Variants in CCBE1 observed in about 807,000 individuals in gnomAD.
The protein encoded by CCBE1 is collagen and calcium-binding EGF domain-containing protein 1.
Under a neutral mutation model 50.0 loss-of-function variants are expected in CCBE1, and 37 were observed. That is an observed-to-expected ratio of 0.74 (90% CI 0.57 to 0.97). The LOEUF is 0.97. Among genes scored for constraint, CCBE1 ranks in the 50% least tolerant of loss-of-function variants. The pLI is 0.00. For synonymous variants in CCBE1, 234 were observed against 203.7 expected, an observed-to-expected ratio of 1.15 and a Z score of -1.27; for missense variants, 538 against 523.8, an observed-to-expected ratio of 1.03 and a Z score of -0.26.
At chr18:59,682,343 G>A (rs576743872) in intron 2 of CCBE1, among the ~76,000 whole-genome samples, 11 of 152,280 alleles carry the variant, frequency 7.2e-5, no homozygotes, top group South Asian at 2.1e-4. Flanking sequence ...CCAGCCTGGC[G>A]ACAGAGCAAG....
intron 2 of CCBE1, among the ~76,000 whole-genome samples, chr18:59,567,150 C>T (rs1231408928): frequency 6.6e-6 from 1 of 151,902 alleles, no homozygotes; most frequent in African/African-American, 2.4e-5. Flanking sequence ...TGGAGATTAG[C>T]TCTGGTTGCC....
At chr18:59,463,596 C>T (rs1911594354) in intron 5 of CCBE1, among the ~76,000 whole-genome samples, 1 of 152,160 alleles carries the variant, frequency 6.6e-6, no homozygotes, top group Admixed American at 6.5e-5. Context: ...AATTCCATCC[C>T]GCTTCTCTGG....
At chr18:59,610,362 A>G (rs1389841309) in intron 2 of CCBE1, among the ~76,000 whole-genome samples, 3 of 152,180 alleles carry the variant, frequency 2.0e-5, no homozygotes, top group Non-Finnish European at 2.9e-5. Flanking sequence ...ATGGATTTTA[A>G]TATAAAGACC....
intron 5 of CCBE1, chr18:59,463,995 G>A (rs1598922184): frequency 6.6e-6 from 1 of 152,308 alleles, no homozygotes; most frequent in Admixed American, 6.5e-5. Context: ...CACATTCATA[G>A]ATCAGTGGCT....
Position 59,613,450 on chromosome 18 carries a change from A to C in CCBE1, c.212+83179T>G, listed in dbSNP as rs1406079653. Among the ~76,000 whole-genome samples the C allele has an allele frequency of 2.0e-5, 3 of 152,350 alleles. No individual in the cohort carries two copies. In the East Asian group the frequency reaches 5.8e-4, roughly 29 times the overall value. On this transcript the variant is annotated intron_variant, in intron 2 of 10. Coordinates refer to ENST00000439986, the MANE Select transcript of CCBE1 (RefSeq NM_133459.4). The stretch of plus-strand genomic sequence containing the variant: ...TGTTTTTCTCTGAAGAATATAGTTC[A>C]ACTTACAAATCTGATTCTATGTAAG...
chr18:59,460,818 C>T (rs950761137), intron 5 of CCBE1, among the ~76,000 whole-genome samples: 2 of 151,970 alleles, frequency 1.3e-5, no homozygotes, highest in Non-Finnish European at 2.9e-5. Context: ...GTCTGTAATC[C>T]CAGCTACTTG....
chr18:59,691,255 C>T (rs1274469608), intron 2 of CCBE1, among the ~76,000 whole-genome samples: 2 of 152,244 alleles, frequency 1.3e-5, no homozygotes, highest in Admixed American at 6.5e-5. Flanking sequence ...ACAGATGGCT[C>T]ATGCTCTCAG....
chr18:59,623,383 G>A (rs943074203), intron 2 of CCBE1, among the ~76,000 whole-genome samples: 2 of 152,166 alleles, frequency 1.3e-5, no homozygotes, highest in East Asian at 3.9e-4. Context: ...GGGAACTGAG[G>A]CATGGTGTGT....
chr18:59,553,315 C>A lies in CCBE1; in HGVS notation c.213-73077G>T, dbSNP rs1029092093. Among the ~76,000 whole-genome samples, 5 of 152,204 alleles carry A rather than the reference C, an allele frequency of 3.3e-5. No homozygotes were observed. In the South Asian group the frequency reaches 1.0e-3, roughly 31 times the overall value. ...TTCAAGCATGAGCACATGTAACAGA[C>A]TTCAAAAGCACAGGGGACATTCTTA... On this transcript the variant is annotated intron_variant, in intron 2 of 10. Transcript: ENST00000439986.
chr18:59,538,530 A>G (rs1915340428), intron 2 of CCBE1, among the ~76,000 whole-genome samples: 1 of 152,208 alleles, frequency 6.6e-6, no homozygotes, highest in Admixed American at 6.5e-5. Flanking sequence ...TTGTCAAAGG[A>G]CAGCTTAATG....
At position 59,469,528 on chromosome 18, in the gene CCBE1, C is replaced by G. The variant is rs762105160; in HGVS notation, c.345G>C (p.Pro115=). ...NFGRVLCTCY[P]GYRYDRERHR... is the part of the protein sequence containing the mutation. ...GTCTCTCCCGGTCATATCGGTATCC[C>G]GGATAACAAGTACACAGCACTCGGC... Residue 115 remains proline (P), a synonymous_variant, in exon 4 of 11, where the codon CCG becomes CCC. Coordinates refer to ENST00000439986, the MANE Select transcript of CCBE1 (RefSeq NM_133459.4). The G allele has an allele frequency of 6.2e-7, 1 of 1,614,050 alleles. No individual in the cohort carries two copies. The highest frequency in any genetic ancestry group is 8.5e-7 in the Non-Finnish European group (1 of 1,180,036).
At chr18:59,668,292 C>A (rs1055468357) in intron 2 of CCBE1, among the ~76,000 whole-genome samples, 12 of 151,966 alleles carry the variant, frequency 7.9e-5, no homozygotes, top group African/African-American at 2.7e-4. Context: ...GTGGTGGGTG[C>A]CTGTGATCCC....
intron 2 of CCBE1, among the ~76,000 whole-genome samples, chr18:59,501,874 G>A (rs567462119): frequency 2.0e-5 from 3 of 152,188 alleles, no homozygotes; most frequent in East Asian, 1.9e-4. Context: ...TGGTACAATC[G>A]TAGCTTAATG....
At chr18:59,587,673 C>G (rs550906651) in intron 2 of CCBE1, among the ~76,000 whole-genome samples, 1 of 152,232 alleles carries the variant, frequency 6.6e-6, no homozygotes, top group African/African-American at 2.4e-5. Flanking sequence ...TATCGCCACT[C>G]CTATTCAGCA....
At chr18:59,597,755 G>A (rs1454177424) in intron 2 of CCBE1, among the ~76,000 whole-genome samples, 1 of 152,066 alleles carries the variant, frequency 6.6e-6, no homozygotes, top group African/African-American at 2.4e-5. Flanking sequence ...TCATTCTCAG[G>A]AATGGTTTGC....
At chr18:59,645,421 GA>G (rs906755107) in intron 2 of CCBE1, among the ~76,000 whole-genome samples, 1 of 151,844 alleles carries the variant, frequency 6.6e-6, no homozygotes, top group African/African-American at 2.4e-5. Flanking sequence ...TTCTCAGTGA[GA>G]AAAAAAAGAT....
chr18:59,688,667 A>G (rs1410239905), intron 2 of CCBE1, among the ~76,000 whole-genome samples: 1 of 152,218 alleles, frequency 6.6e-6, no homozygotes, highest in Non-Finnish European at 1.5e-5. Flanking sequence ...CAATAAAGTC[A>G]GCTTCTTAGA....
intron 2 of CCBE1, among the ~76,000 whole-genome samples, chr18:59,561,354 A>G (rs929796412): frequency 2.0e-5 from 3 of 152,190 alleles, no homozygotes; most frequent in Non-Finnish European, 4.4e-5. Flanking sequence ...CAAAACCTGT[A>G]TATCAAACCT....
At chr18:59,580,943 C>T (rs2053075573) in intron 2 of CCBE1, among the ~76,000 whole-genome samples, 1 of 152,074 alleles carries the variant, frequency 6.6e-6, no homozygotes, top group Non-Finnish European at 1.5e-5. Flanking sequence ...GCCATCTCTC[C>T]CGTGGATGAG....
Sources: gnomAD v4.1 joint callset for allele counts (sites outside exome capture counted in the v4.1 genomes callset) on GRCh38, gnomAD v4.1.1 for gene constraint, MANE v1.5 for transcripts, NCBI Gene and HGNC (gene_info 2026-07-23, HGNC 2026-07-21) for gene names.